FLT1: variants seen among roughly 807,000 people sequenced by gnomAD.
The protein encoded by FLT1 is fms related receptor tyrosine kinase 1, also known as vascular endothelial growth factor receptor 1.
A neutral mutation model predicts 156.3 loss-of-function variants in FLT1; 49 were observed. The ratio of observed to expected loss-of-function variants is 0.31; its 90% CI spans 0.25 to 0.40. The LOEUF (loss-of-function observed/expected upper bound fraction) is 0.40, where lower values mean the gene tolerates loss of function less well. FLT1 is among the 10% of genes least tolerant of loss of function. The pLI is 1.00. For synonymous variants in FLT1, 594 were observed against 583.8 expected (o/e 1.02, Z -0.25); for missense variants, 1,322 against 1,637.2 (o/e 0.81, Z 3.32).
intron 16 of FLT1, among the ~76,000 whole-genome samples, chr13:28,344,010 C>CCCGCCT (rs1872460021): frequency 6.6e-6 from 1 of 151,326 alleles, no homozygotes; most frequent in South Asian, 2.1e-4. Flanking sequence ...CACTCTTGCC[C>CCCGCCT]CCCACCACCC....
chr13:28,354,545 T>A (rs1208201604), intron 15 of FLT1, among the ~76,000 whole-genome samples: 1 of 152,244 alleles, frequency 6.6e-6, no homozygotes, highest in Non-Finnish European at 1.5e-5. Flanking sequence ...TTTCTGGCAC[T>A]ATTCTATTCC....
At chr13:28,486,672 C>A (rs1881186677) in intron 1 of FLT1, among the ~76,000 whole-genome samples, 1 of 152,214 alleles carries the variant, frequency 6.6e-6, no homozygotes, top group Non-Finnish European at 1.5e-5. Context: ...CAAAACAGTC[C>A]CCCTCTCCTC....
chr13:28,415,062 A>C (rs1257061653), intron 10 of FLT1, among the ~76,000 whole-genome samples: 2 of 152,230 alleles, frequency 1.3e-5, no homozygotes, highest in African/African-American at 4.8e-5. Context: ...GTTTCAACTC[A>C]GGCAAGGATG....
chr13:28,464,324 G>T (rs946384802), intron 3 of FLT1, among the ~76,000 whole-genome samples: 1 of 152,112 alleles, frequency 6.6e-6, no homozygotes, highest in Non-Finnish European at 1.5e-5. Flanking sequence ...AATTTTCTGC[G>T]AATGGTTGTG....
intron 11 of FLT1, among the ~76,000 whole-genome samples, chr13:28,403,377 T>C (rs770114563): frequency 6.6e-6 from 1 of 152,202 alleles, no homozygotes; most frequent in Admixed American, 6.5e-5. Flanking sequence ...GGGACGTTCT[T>C]TTATCATGGG....
In FLT1 at chr13:28,427,149, C is replaced by T. The variant is rs944851180; in HGVS notation, c.1436+10G>A. The stretch of plus-strand genomic sequence containing the variant: ...ATTTGAAAGTTAGTAAAAAAACTGA[C>T]TGTCCCTACCTTGCTTCGGAATGAT... On this transcript the variant is annotated intron_variant, in intron 10 of 29. Transcript: ENST00000282397. The T allele has an allele frequency of 6.2e-7, 1 of 1,613,372 alleles. No homozygotes were observed.
At chr13:28,351,839 CT>C (rs1872742319) in intron 15 of FLT1, among the ~76,000 whole-genome samples, 2 of 152,206 alleles carry the variant, frequency 1.3e-5, no homozygotes, top group Admixed American at 1.3e-4. Flanking sequence ...AATACAGAAA[CT>C]TTTGTTGAAA....
intron 23 of FLT1, among the ~76,000 whole-genome samples, chr13:28,320,254 A>G (rs984018268): frequency 5.9e-5 from 9 of 152,170 alleles, no homozygotes; most frequent in Admixed American, 3.3e-4. Flanking sequence ...ACTAACATGA[A>G]GGTTGGTGCC....
Position 28,430,122 on chromosome 13 carries a change from T to C in FLT1, c.1034A>G (p.Glu345Gly), listed in dbSNP as rs761831690. 6.2e-7 allele frequency: 1 copy of C among 1,614,018 alleles called. No individual in the cohort carries two copies. Among genetic ancestry groups the C allele is most frequent in the East Asian group, 2.2e-5 (1 of 44,886 alleles). ...TVKHRKQQVL[E>G]TVAGKRSYRL... ...GTAAGACCGCTTGCCAGCTACGGTT[T>C]CAAGCACCTGCTGTTTTCGATGTTT... Residue 345 changes from glutamate to glycine, a missense_variant, in exon 8 of 30, where the codon GAA becomes GGA. Coordinates refer to ENST00000282397, the MANE Select transcript of FLT1 (RefSeq NM_002019.4).
intron 14 of FLT1, among the ~76,000 whole-genome samples, chr13:28,360,927 A>G (rs1873089626): frequency 2.0e-5 from 3 of 152,216 alleles, no homozygotes; most frequent in African/African-American, 7.2e-5. Context: ...ATGTATTAAT[A>G]TTAAAACATC....
chr13:28,352,548 T>C (rs1872763096), intron 15 of FLT1, among the ~76,000 whole-genome samples: 1 of 152,234 alleles, frequency 6.6e-6, no homozygotes, highest in Non-Finnish European at 1.5e-5. Context: ...CAAATCAGCC[T>C]AACTGAATTC....
chr13:28,336,485 C>T (rs1478469036), intron 17 of FLT1, among the ~76,000 whole-genome samples: 1 of 152,160 alleles, frequency 6.6e-6, no homozygotes, highest in East Asian at 1.9e-4. Context: ...AGGTCATTGC[C>T]ATACAATGCA....
intron 15 of FLT1, among the ~76,000 whole-genome samples, chr13:28,351,988 C>A (rs1246654155): frequency 6.6e-6 from 1 of 152,180 alleles, no homozygotes; most frequent in Admixed American, 6.5e-5. Flanking sequence ...CATTAGCATG[C>A]CCATTTTACA....
At chr13:28,415,341 C>T (rs745890785) in intron 10 of FLT1, among the ~76,000 whole-genome samples, 32 of 152,026 alleles carry the variant, frequency 2.1e-4, no homozygotes, top group African/African-American at 4.3e-4. Flanking sequence ...ATTAGCCAGG[C>T]GTGGTGGCGC....
At chr13:28,401,326 A>G (rs1258854416) in intron 11 of FLT1, among the ~76,000 whole-genome samples, 1 of 152,226 alleles carries the variant, frequency 6.6e-6, no homozygotes, top group African/African-American at 2.4e-5. Flanking sequence ...CTGGCCCTCA[A>G]GGATTTACAT....
At chr13:28,367,106 T>A (rs1279390196) in intron 14 of FLT1, among the ~76,000 whole-genome samples, 1 of 152,176 alleles carries the variant, frequency 6.6e-6, no homozygotes, top group Non-Finnish European at 1.5e-5. Context: ...TAGTGCTAAC[T>A]CCCTGGGTGG....
intron 3 of FLT1, among the ~76,000 whole-genome samples, chr13:28,464,713 C>T (rs1204412156): frequency 2.6e-5 from 4 of 152,202 alleles, no homozygotes; most frequent in African/African-American, 7.2e-5. Flanking sequence ...TTCTAAATAG[C>T]AGTGTCTCTC....
At chr13:28,431,981 G>T (rs1489586294) in intron 6 of FLT1, among the ~76,000 whole-genome samples, 3 of 152,176 alleles carry the variant, frequency 2.0e-5, no homozygotes, top group Non-Finnish European at 2.9e-5. Flanking sequence ...CTTTAACCAA[G>T]ACTTGGAAGG....
intron 25 of FLT1, among the ~76,000 whole-genome samples, chr13:28,313,906 A>AGAG (rs756766566): frequency 0.02 from 522 of 25,962 alleles, 37 homozygotes; most frequent in East Asian, 0.12. Flanking sequence ...AAAAAAAAAA[A>AGAG]AAAGAAGAAT....
Sources: gnomAD v4.1 joint callset for allele counts (sites outside exome capture counted in the v4.1 genomes callset) on GRCh38, gnomAD v4.1.1 for gene constraint, MANE v1.5 for transcripts, NCBI Gene and HGNC (gene_info 2026-07-23, HGNC 2026-07-21) for gene names.